Variants in ARHGAP15 observed in about 807,000 individuals in gnomAD.
ARHGAP15 encodes rho GTPase-activating protein 15.
A neutral mutation model predicts 63.7 loss-of-function variants in ARHGAP15; 51 were observed. The ratio of observed to expected loss-of-function variants is 0.80; its 90% CI spans 0.64 to 1.01. The LOEUF (loss-of-function observed/expected upper bound fraction) is 1.01, where lower values mean the gene tolerates loss of function less well. Ranked by LOEUF, ARHGAP15 falls within the 50% of genes least tolerant of loss-of-function variation. The pLI is 0.00. For synonymous variants in ARHGAP15, 191 were observed against 193.8 expected, an observed-to-expected ratio of 0.99 and a Z score of 0.12; for missense variants, 560 against 564.6, an observed-to-expected ratio of 0.99 and a Z score of 0.08.
At chr2:143,331,412 TTC>T (rs1006699149) in intron 6 of ARHGAP15, among the ~76,000 whole-genome samples, 1 of 152,190 alleles carries the variant, frequency 6.6e-6, no homozygotes, top group African/African-American at 2.4e-5. Context: ...ATTTGTTTAT[TTC>T]TGTCTCCTTT....
intron 2 of ARHGAP15, among the ~76,000 whole-genome samples, chr2:143,192,014 G>A (rs1225489570): frequency 6.6e-6 from 1 of 152,170 alleles, no homozygotes; most frequent in Non-Finnish European, 1.5e-5. Flanking sequence ...TCAAAAGCCA[G>A]ACTAACCCAT....
intron 12 of ARHGAP15, among the ~76,000 whole-genome samples, chr2:143,657,227 G>C (rs978324643): frequency 6.6e-6 from 1 of 152,034 alleles, no homozygotes; most frequent in Non-Finnish European, 1.5e-5. Flanking sequence ...GGCGCTTGTA[G>C]TCCCAGCTAC....
intron 12 of ARHGAP15, among the ~76,000 whole-genome samples, chr2:143,636,399 A>C (rs1680317009): frequency 6.6e-6 from 1 of 152,112 alleles, no homozygotes; most frequent in Non-Finnish European, 1.5e-5. Flanking sequence ...ATGTTATGAA[A>C]ATGTTTTAGA....
intron 6 of ARHGAP15, among the ~76,000 whole-genome samples, chr2:143,301,247 C>T (rs1055051619): frequency 1.3e-5 from 2 of 151,912 alleles, no homozygotes; most frequent in Non-Finnish European, 2.9e-5. Context: ...TAAAGGAGAG[C>T]TGTTCAATGT....
chr2:143,364,618 TG>T (rs1472058884), intron 6 of ARHGAP15, among the ~76,000 whole-genome samples: 1 of 152,208 alleles, frequency 6.6e-6, no homozygotes, highest in Non-Finnish European at 1.5e-5. Context: ...GTTCATGTAT[TG>T]GAAAAATCAA....
chr2:143,435,468 A>G, intron 6 of ARHGAP15, 133 bp from the exon 7 acceptor site: 1 of 1,293,200 alleles, frequency 7.7e-7, no homozygotes, highest in Non-Finnish European at 1.0e-6. Flanking sequence ...CCAGAAAGAC[A>G]ATTACTGGAA....
chr2:143,170,654 CT>C (rs756156967), intron 2 of ARHGAP15, among the ~76,000 whole-genome samples: 113 of 152,114 alleles, frequency 7.4e-4, no homozygotes, highest in Non-Finnish European at 1.3e-3. Context: ...TATTAAAATT[CT>C]ATTCAACTTC....
Position 143,153,839 on chromosome 2 carries a change from CTT to C in ARHGAP15, c.-14-1637_-14-1636del, listed in dbSNP as rs1558779582. Among the ~76,000 whole-genome samples, 251 of 76,270 alleles carry C rather than the reference CTT, an allele frequency of 3.3e-3. 2 individuals carry two copies. The highest frequency in any genetic ancestry group is 0.011 in the African/African-American group (234 of 21,794). 50.0% of individuals were successfully genotyped at this position (76,270 alleles called of 152,430 possible). On this transcript the variant is annotated intron_variant, in intron 1 of 13. Transcript: ENST00000295095. ...TCTTCTTCTTCTTCTTCTTCTTCTT[CTT>C]CTTCCTCCTCCTCCTCCTCCTCCTC...
chr2:143,671,423 A>C (rs769335498), intron 12 of ARHGAP15, among the ~76,000 whole-genome samples: 25 of 152,130 alleles, frequency 1.6e-4, no homozygotes, highest in Non-Finnish European at 3.7e-4. Context: ...TTGATTTAGG[A>C]GATAATTTTG....
chr2:143,463,560 T>C (rs1361739939), intron 8 of ARHGAP15, among the ~76,000 whole-genome samples: 1 of 150,690 alleles, frequency 6.6e-6, no homozygotes, highest in African/African-American at 2.4e-5. Context: ...GGGGGGAAGA[T>C]GTCTTATAGA....
intron 6 of ARHGAP15, among the ~76,000 whole-genome samples, chr2:143,254,930 A>G (rs13025486): frequency 0.032 from 4,835 of 152,136 alleles, 113 homozygotes; most frequent in Middle Eastern, 0.12. Context: ...TCCAGGGTGT[A>G]AAATAGGAAG....
At chr2:143,759,556 A>G (rs1418252052) in intron 13 of ARHGAP15, among the ~76,000 whole-genome samples, 2 of 152,126 alleles carry the variant, frequency 1.3e-5, no homozygotes, top group East Asian at 1.9e-4. Flanking sequence ...ACCCTTAGAA[A>G]TAAGTCCCAG....
chr2:143,684,012 AAACTT>A (rs1171495207), intron 12 of ARHGAP15, among the ~76,000 whole-genome samples: 1 of 152,216 alleles, frequency 6.6e-6, no homozygotes, highest in Non-Finnish European at 1.5e-5. Flanking sequence ...TTGAAGAAGA[AAACTT>A]AAAAAAAAAT....
chr2:143,207,625 T>A (rs994659618), intron 3 of ARHGAP15, among the ~76,000 whole-genome samples: 2 of 152,104 alleles, frequency 1.3e-5, no homozygotes, highest in Non-Finnish European at 2.9e-5. Context: ...TATCTTGCTG[T>A]GTCTTGTGAA....
At chr2:143,321,609 A>C (rs1458085549) in intron 6 of ARHGAP15, among the ~76,000 whole-genome samples, 1 of 152,270 alleles carries the variant, frequency 6.6e-6, no homozygotes, top group East Asian at 1.9e-4. Flanking sequence ...CCTCTGCCAG[A>C]CATGGAGAAG....
At chr2:143,608,730 G>A (rs1042951421) in intron 11 of ARHGAP15, 1 of 152,092 alleles carries the variant, frequency 6.6e-6, no homozygotes, top group Non-Finnish European at 1.5e-5. Flanking sequence ...CATGCAAAAA[G>A]GTTTGAAATA....
At chr2:143,308,629 C>A (rs1312021688) in intron 6 of ARHGAP15, among the ~76,000 whole-genome samples, 1 of 152,000 alleles carries the variant, frequency 6.6e-6, no homozygotes, top group African/African-American at 2.4e-5. Flanking sequence ...ATAGAACAAG[C>A]ATCCCTGGTA....
intron 11 of ARHGAP15, among the ~76,000 whole-genome samples, chr2:143,618,081 C>G (rs542142131): frequency 2.8e-4 from 43 of 152,306 alleles, no homozygotes; most frequent in Middle Eastern, 3.4e-3. Flanking sequence ...CTACTTTTGG[C>G]ACAGGGTGAC....
intron 13 of ARHGAP15, among the ~76,000 whole-genome samples, chr2:143,715,514 TGACA>T (rs1684771380): frequency 6.6e-6 from 1 of 152,252 alleles, no homozygotes; most frequent in Non-Finnish European, 1.5e-5. Context: ...CTTTTCATCC[TGACA>T]AACAAGCAGA....
Sources: gnomAD v4.1 joint callset for allele counts (sites outside exome capture counted in the v4.1 genomes callset) on GRCh38, gnomAD v4.1.1 for gene constraint, MANE v1.5 for transcripts, NCBI Gene and HGNC (gene_info 2026-07-23, HGNC 2026-07-21) for gene names.